PCDHA8: variants seen among roughly 807,000 people sequenced by gnomAD.
The protein encoded by PCDHA8 is protocadherin alpha-8.
Under a neutral mutation model 61.8 loss-of-function variants are expected in PCDHA8, and 53 were observed. That is an observed-to-expected ratio of 0.86 (90% CI 0.69 to 1.08). The LOEUF is 1.08. Ranked by LOEUF, PCDHA8 falls within the 50% of genes least tolerant of loss-of-function variation. The probability of loss-of-function intolerance (pLI) is 0.00; values close to 1 mark genes in which losing one functional copy is unlikely to be tolerated. For synonymous variants in PCDHA8, 618 were observed against 556.6 expected, an observed-to-expected ratio of 1.11 and a Z score of -1.55; for missense variants, 1,293 against 1,245.0, an observed-to-expected ratio of 1.04 and a Z score of -0.58.
intron 1 of PCDHA8, chr5:140,871,194 G>C (rs1391937650): frequency 3.1e-6 from 5 of 1,613,574 alleles, no homozygotes; most frequent in African/African-American, 1.3e-5. Flanking sequence ...ATGTCAACGT[G>C]TACCTGATCA....
chr5:140,961,477 G>T (rs2095615587), intron 1 of PCDHA8, among the ~76,000 whole-genome samples: 1 of 152,006 alleles, frequency 6.6e-6, no homozygotes, highest in African/African-American at 2.4e-5. Flanking sequence ...TTTTTGTCTT[G>T]TCCACGTGAG....
chr5:140,850,258 G>A, intron 1 of PCDHA8: 1 of 1,594,156 alleles, frequency 6.3e-7, no homozygotes, highest in South Asian at 1.1e-5. Flanking sequence ...GTGGGCGCCG[G>A]CGTAGTGGTG....
At chr5:140,946,875 G>C (rs1283632599) in intron 1 of PCDHA8, among the ~76,000 whole-genome samples, 2 of 151,288 alleles carry the variant, frequency 1.3e-5, no homozygotes, top group Non-Finnish European at 3.0e-5. Context: ...TGGTCAATGG[G>C]TACGAAGTTA....
At chr5:140,942,422 G>C (rs1445298712) in intron 1 of PCDHA8, among the ~76,000 whole-genome samples, 3 of 150,866 alleles carry the variant, frequency 2.0e-5, no homozygotes, top group Non-Finnish European at 4.4e-5. Context: ...AAAAAAAAAA[G>C]ATATCTAACA....
chr5:140,986,195 A>G (rs1200850544), intron 3 of PCDHA8, among the ~76,000 whole-genome samples: 1 of 152,314 alleles, frequency 6.6e-6, no homozygotes, highest in Non-Finnish European at 1.5e-5. Context: ...TAAATTGGTT[A>G]ATCCTGATTA....
intron 1 of PCDHA8, among the ~76,000 whole-genome samples, chr5:140,846,410 T>C (rs1476345835): frequency 7.2e-6 from 1 of 138,236 alleles, no homozygotes; most frequent in Non-Finnish European, 1.6e-5. Flanking sequence ...AGTCTCGCTC[T>C]ATCTCCCAGG....
chr5:140,884,833 C>T (rs1175023363), intron 1 of PCDHA8: 1 of 916,514 alleles, frequency 1.1e-6, no homozygotes, highest in Non-Finnish European at 1.5e-6. Flanking sequence ...GTTGGATTAT[C>T]CTTCAGAGTG....
chr5:140,871,280 C>A, intron 1 of PCDHA8: 1 of 1,613,916 alleles, frequency 6.2e-7, no homozygotes, highest in Non-Finnish European at 8.5e-7. Context: ...TCGGCAACGC[C>A]CACTGAGGGC....
rs73793540 is a variant in PCDHA8, at chr5:140,959,705, G to T, written c.2395-19244G>T. 8.9e-3 allele frequency among the ~76,000 whole-genome samples: 1,358 copies of T among 152,238 alleles called. 14 individuals are homozygous for T. The highest frequency in any genetic ancestry group is 0.032 in the African/African-American group (1,312 of 41,544). On this transcript the variant is annotated intron_variant, in intron 1 of 3. Coordinates refer to ENST00000531613, the MANE Select transcript of PCDHA8 (RefSeq NM_018911.3). ...AATTTCAATAAAATGAGCTTTGAAA[G>T]GGAAAATTTTTAGATAACATTATCT...
chr5:140,883,546 C>T (rs782071318), intron 1 of PCDHA8: 3 of 1,614,200 alleles, frequency 1.9e-6, no homozygotes, highest in Non-Finnish European at 1.7e-6. Flanking sequence ...TGGTGGTGAC[C>T]GCGCGGGACG....
At chr5:140,947,706 A>G (rs2153680894) in intron 1 of PCDHA8, among the ~76,000 whole-genome samples, 1 of 151,686 alleles carries the variant, frequency 6.6e-6, no homozygotes, top group East Asian at 1.9e-4. Context: ...AGTTTTAAGT[A>G]TTGAGGTTTC....
At chr5:140,928,065 T>G in intron 1 of PCDHA8, 20 of 1,614,198 alleles carry the variant, frequency 1.2e-5, no homozygotes, top group Non-Finnish European at 1.6e-5. Context: ...CGGCTTCCTT[T>G]GACAACTACT....
chr5:140,917,256 T>C (rs1043140553), intron 1 of PCDHA8, among the ~76,000 whole-genome samples: 6 of 151,524 alleles, frequency 4.0e-5, no homozygotes, highest in African/African-American at 7.3e-5. Context: ...ATTGCTCACC[T>C]GATGTTTGGT....
At chr5:140,882,806 T>G in intron 1 of PCDHA8, 2 of 1,614,218 alleles carry the variant, frequency 1.2e-6, no homozygotes, top group Non-Finnish European at 1.7e-6. Flanking sequence ...TTATTTCACT[T>G]TGGACGCACA....
chr5:140,993,630 C>T (rs1305182880), intron 3 of PCDHA8, among the ~76,000 whole-genome samples: 2 of 152,054 alleles, frequency 1.3e-5, no homozygotes, highest in South Asian at 4.2e-4. Flanking sequence ...TATATATAGT[C>T]GTGTACCAAA....
At chr5:140,850,747 C>T (rs2041801676) in intron 1 of PCDHA8, 3 of 1,597,716 alleles carry the variant, frequency 1.9e-6, no homozygotes, top group Non-Finnish European at 2.6e-6. Flanking sequence ...TGGTCGTACT[C>T]GCAGCAGAGG....
chr5:140,962,944 G>T (rs572517623), intron 1 of PCDHA8, among the ~76,000 whole-genome samples: 1 of 152,158 alleles, frequency 6.6e-6, no homozygotes, highest in East Asian at 1.9e-4. Flanking sequence ...CTCTCCATAA[G>T]ATATGCTCTA....
At chr5:141,006,105 G>GT (rs79904017) in intron 3 of PCDHA8, among the ~76,000 whole-genome samples, 4,283 of 143,138 alleles carry the variant, frequency 0.03, 125 homozygotes, top group African/African-American at 0.081. Flanking sequence ...ATGGTAAGGA[G>GT]TTTTTTTTTT....
In PCDHA8 at chr5:140,921,062, C is replaced by T. The variant is rs377176575; in HGVS notation, c.2395-57887C>T. 1.3e-4 allele frequency among the ~76,000 whole-genome samples: 20 copies of T among 151,872 alleles called. No homozygotes were observed. The South Asian group carries it at 4.2e-3, about 32-fold the overall frequency. The stretch of plus-strand genomic sequence containing the variant: ...TGGGGCAATCATAGCTCACTCTAAC[C>T]TTGAACTCTTGGGCTCAAGAGAATC... On this transcript the variant is annotated intron_variant, in intron 1 of 3. Coordinates refer to ENST00000531613, the MANE Select transcript of PCDHA8 (RefSeq NM_018911.3).
Sources: gnomAD v4.1 joint callset for allele counts (sites outside exome capture counted in the v4.1 genomes callset) on GRCh38, gnomAD v4.1.1 for gene constraint, MANE v1.5 for transcripts, NCBI Gene and HGNC (gene_info 2026-07-23, HGNC 2026-07-21) for gene names.